Variants in CERKL observed in about 807,000 individuals in gnomAD.
CERKL encodes the protein ceramide kinase-like protein.
A neutral mutation model predicts 63.4 loss-of-function variants in CERKL; 61 were observed. The ratio of observed to expected loss-of-function variants is 0.96; its 90% CI spans 0.78 to 1.19. The LOEUF (loss-of-function observed/expected upper bound fraction) is 1.19, where lower values mean the gene tolerates loss of function less well. Ranked by LOEUF, CERKL falls within the 50% of genes most tolerant of loss-of-function variation. The pLI is 0.00. For missense variants in CERKL, 675 were observed against 655.5 expected (o/e 1.03, Z -0.33); for synonymous variants, 250 against 230.5 (o/e 1.08, Z -0.77).
chr2:181,580,303 G>A (rs1249788213), intron 2 of CERKL, among the ~76,000 whole-genome samples: 8 of 151,806 alleles, frequency 5.3e-5, no homozygotes, highest in African/African-American at 1.7e-4. Flanking sequence ...TGCTGTCAAC[G>A]TGTTTTTCCC....
chr2:181,656,587 CA>C (rs1688166307), intron 1 of CERKL, among the ~76,000 whole-genome samples, 181 bp downstream of exon 1: 1 of 151,156 alleles, frequency 6.6e-6, no homozygotes. Context: ...CGTGAGTTCC[CA>C]GTTGGGAAGG....
At chr2:181,566,191 C>A in intron 3 of CERKL, 70 bp from the exon 4 acceptor site, 1 of 1,133,034 alleles carries the variant, frequency 8.8e-7, no homozygotes, top group Non-Finnish European at 1.3e-6. Flanking sequence ...TTAACTTGTT[C>A]TGGCAAAATA....
At chr2:181,571,998 T>C (rs867591850) in intron 3 of CERKL, among the ~76,000 whole-genome samples, 5 of 152,148 alleles carry the variant, frequency 3.3e-5, no homozygotes, top group South Asian at 2.1e-4. Context: ...TTTATGATGA[T>C]AGAGTAAGAT....
chr2:181,580,695 T>A (rs964962305), intron 2 of CERKL, among the ~76,000 whole-genome samples: 21 of 152,318 alleles, frequency 1.4e-4, no homozygotes, highest in African/African-American at 4.8e-4. Context: ...TTGACATAAG[T>A]AACACTGATC....
intron 11 of CERKL, among the ~76,000 whole-genome samples, chr2:181,542,727 G>A (rs752723498): frequency 1.3e-5 from 2 of 152,052 alleles, no homozygotes; most frequent in Non-Finnish European, 2.9e-5. Context: ...TGTTTCTTGT[G>A]TCAAAAGCAA....
intron 1 of CERKL, among the ~76,000 whole-genome samples, chr2:181,643,895 T>C (rs1559121458): frequency 6.6e-6 from 1 of 152,220 alleles, no homozygotes; most frequent in East Asian, 1.9e-4. Flanking sequence ...AACAAATCTT[T>C]CTTTGGGGAG....
intron 1 of CERKL, among the ~76,000 whole-genome samples, chr2:181,631,518 A>G (rs911452601): frequency 8.6e-5 from 13 of 150,400 alleles, no homozygotes; most frequent in Non-Finnish European, 1.9e-4. Context: ...ACCTTCCCCC[A>G]TGCTAATGCT....
intron 1 of CERKL, among the ~76,000 whole-genome samples, chr2:181,652,416 G>T (rs979025409): frequency 6.6e-6 from 1 of 151,964 alleles, no homozygotes; most frequent in East Asian, 1.9e-4. Context: ...TTCAACAAAT[G>T]GTACTAGGAA....
chr2:181,567,070 A>G (rs1223438768), intron 3 of CERKL, among the ~76,000 whole-genome samples: 2 of 152,310 alleles, frequency 1.3e-5, no homozygotes, highest in East Asian at 1.9e-4. Flanking sequence ...CTTGGTGTCT[A>G]AAAGAATCAT....
rs1045031391 is a variant in CERKL, at chr2:181,570,777, C to T, written c.613+2976G>A. Among the ~76,000 whole-genome samples, 8 of 152,042 alleles carry T rather than the reference C, an allele frequency of 5.3e-5. No individual in the cohort carries two copies. The East Asian group carries it at 1.5e-3, about 29-fold the overall frequency. ...ATAAATTTATGAAAAAATTACAGTA[C>T]CTTATAGTGTATATATCTAGCTGTA... is the stretch of plus-strand genomic sequence containing the variant. On this transcript the variant is annotated intron_variant, in intron 3 of 12. Coordinates refer to ENST00000410087, the MANE Select transcript of CERKL (RefSeq NM_201548.5).
At chr2:181,651,253 A>G (rs957927957) in intron 1 of CERKL, among the ~76,000 whole-genome samples, 1 of 152,242 alleles carries the variant, frequency 6.6e-6, no homozygotes, top group Non-Finnish European at 1.5e-5. Context: ...TCCCTGATGA[A>G]CATAGGTGCA....
At chr2:181,575,729 T>C (rs1408157923) in intron 2 of CERKL, among the ~76,000 whole-genome samples, 1 of 152,180 alleles carries the variant, frequency 6.6e-6, no homozygotes, top group Non-Finnish European at 1.5e-5. Context: ...GGTTTTTATG[T>C]TCCATTTCAA....
At chr2:181,596,950 C>T (rs938212405) in intron 2 of CERKL, among the ~76,000 whole-genome samples, 1 of 152,174 alleles carries the variant, frequency 6.6e-6, no homozygotes, top group Non-Finnish European at 1.5e-5. Context: ...AACATAAATG[C>T]TATCCTTTTT....
At chr2:181,653,365 T>A (rs2105553821) in intron 1 of CERKL, among the ~76,000 whole-genome samples, 2 of 152,208 alleles carry the variant, frequency 1.3e-5, no homozygotes, top group Admixed American at 1.3e-4. Context: ...CCTAAAACAA[T>A]TAAAAATAGA....
intron 4 of CERKL, among the ~76,000 whole-genome samples, chr2:181,562,189 C>T (rs778698735): frequency 6.6e-6 from 1 of 152,162 alleles, no homozygotes. Context: ...TTCAGCAAAG[C>T]TTATCAACCA....
chr2:181,591,854 C>G (rs1685002614), intron 2 of CERKL, among the ~76,000 whole-genome samples: 1 of 152,096 alleles, frequency 6.6e-6, no homozygotes, highest in Admixed American at 6.6e-5. Context: ...ATTTAGCTCC[C>G]AGATGTTGGT....
At chr2:181,615,061 C>T (rs1686132186) in intron 1 of CERKL, among the ~76,000 whole-genome samples, 1 of 152,126 alleles carries the variant, frequency 6.6e-6, no homozygotes, top group Non-Finnish European at 1.5e-5. Flanking sequence ...ATTAACTGTC[C>T]TCTCACATTA....
chr2:181,613,239 T>A (rs1474860466), intron 1 of CERKL, among the ~76,000 whole-genome samples: 1 of 152,216 alleles, frequency 6.6e-6, no homozygotes, highest in African/African-American at 2.4e-5. Flanking sequence ...ATTCCACATA[T>A]AAGTGAGATC....
intron 3 of CERKL, among the ~76,000 whole-genome samples, chr2:181,568,199 CA>C (rs1001381076): frequency 6.6e-6 from 1 of 152,112 alleles, no homozygotes; most frequent in Non-Finnish European, 1.5e-5. Context: ...TTGATTTGGA[CA>C]TAAGGAAACA....
Sources: allele counts gnomAD v4.1 joint callset (sites outside exome capture counted in the v4.1 genomes callset), GRCh38; gene constraint gnomAD v4.1.1; transcripts MANE v1.5; gene names NCBI Gene and HGNC (gene_info 2026-07-23, HGNC 2026-07-21).